Variants in ADAM23 observed in about 807,000 individuals in gnomAD.
ADAM23 encodes the protein disintegrin and metalloproteinase domain-containing protein 23.
In ADAM23, 33 loss-of-function variants were observed where a neutral mutation model predicts 120.1. That is an observed-to-expected ratio of 0.27 (90% CI 0.21 to 0.37). ADAM23 has a LOEUF of 0.37. Among genes scored for constraint, ADAM23 ranks in the 10% least tolerant of loss-of-function variants. The pLI is 1.00. For synonymous variants in ADAM23, 367 were observed against 375.2 expected (o/e 0.98, Z 0.25); for missense variants, 862 against 1,058.2 (o/e 0.81, Z 2.57).
At chr2:206,463,408 T>C (rs1438359853) in intron 2 of ADAM23, among the ~76,000 whole-genome samples, 1 of 152,184 alleles carries the variant, frequency 6.6e-6, no homozygotes, top group Admixed American at 6.5e-5. Flanking sequence ...CCCTAGAACC[T>C]CCAGATGGAG....
intron 3 of ADAM23, among the ~76,000 whole-genome samples, chr2:206,526,018 GCTTCTCCATATGGAAC>G (rs1696937255): frequency 1.3e-5 from 2 of 151,924 alleles, no homozygotes; most frequent in African/African-American, 4.8e-5. Flanking sequence ...AGAATCCTTG[GCTTCTCCATATGGAAC>G]TTCCTTGTAA....
At chr2:206,499,604 C>G (rs568608545) in intron 3 of ADAM23, among the ~76,000 whole-genome samples, 1 of 151,516 alleles carries the variant, frequency 6.6e-6, no homozygotes, top group South Asian at 2.1e-4. Context: ...CAAACCTGCA[C>G]GTTGTGCACA....
At chr2:206,548,734 A>T (rs1165537996) in intron 8 of ADAM23, among the ~76,000 whole-genome samples, 1 of 152,206 alleles carries the variant, frequency 6.6e-6, no homozygotes, top group African/African-American at 2.4e-5. Flanking sequence ...TTAATAAAAA[A>T]TCTAGAGAGA....
intron 2 of ADAM23, among the ~76,000 whole-genome samples, chr2:206,447,391 G>C (rs1695103084): frequency 6.6e-6 from 1 of 152,190 alleles, no homozygotes. Context: ...AGTATTCAAA[G>C]ATAAGAGATA....
At chr2:206,500,482 G>C (rs954018287) in intron 3 of ADAM23, among the ~76,000 whole-genome samples, 1 of 152,134 alleles carries the variant, frequency 6.6e-6, no homozygotes, top group African/African-American at 2.4e-5. Context: ...ATATTAGTAA[G>C]ATTTATCTCT....
chr2:206,565,267 TA>T (rs1697855060), intron 14 of ADAM23, among the ~76,000 whole-genome samples, 199 bp downstream of exon 14: 1 of 152,222 alleles, frequency 6.6e-6, no homozygotes, highest in South Asian at 2.1e-4. Context: ...GTGATAAAAG[TA>T]AAATGTATTA....
chr2:206,591,502 T>C (rs943023921), intron 21 of ADAM23, among the ~76,000 whole-genome samples: 5 of 152,228 alleles, frequency 3.3e-5, no homozygotes, highest in Non-Finnish European at 7.3e-5. Flanking sequence ...TTCACTTTTA[T>C]AAATGCACAA....
intron 9 of ADAM23, 145 bp from the exon 10 acceptor site, chr2:206,557,282 C>A: frequency 1.5e-6 from 1 of 655,404 alleles, no homozygotes; most frequent in Non-Finnish European, 2.6e-6. Context: ...GAAGTAACAC[C>A]ACCAAATCCA....
chr2:206,557,525 G>A, intron 10 of ADAM23, 27 bp downstream of exon 10: 1 of 1,573,106 alleles, frequency 6.4e-7, no homozygotes, highest in Non-Finnish European at 8.8e-7. Flanking sequence ...TCTTGAATTT[G>A]TGTGCCAAGA....
rs71409830 is a variant in ADAM23 at position 206,558,921 on chromosome 2, T to TTTTG, written c.1006-1002_1006-999dup. Among the ~76,000 whole-genome samples the TTTTG allele has an allele frequency of 3.2e-3, 434 of 134,866 alleles. 1 individual carries two copies. The highest frequency in any genetic ancestry group is 6.6e-3 in the African/African-American group (198 of 29,832). 88.5% of individuals were successfully genotyped at this position (134,866 alleles called of 152,430 possible). On this transcript the variant is annotated intron_variant, in intron 10 of 25. Coordinates refer to ENST00000264377, the MANE Select transcript of ADAM23 (RefSeq NM_003812.4). ...GTGTGTTCAAAGATCATCCATTGGTTTTTGTTTGTTTGTTTGTTTGTTTGT... is the reference window on the plus strand; with the variant it reads ...GTGTGTTCAAAGATCATCCATTGGTTTTTGTTTGTTTGTTTGTTTGTTTGTTTGT...
rs1303424996 is a variant in ADAM23 at position 206,619,492 on chromosome 2, G to A, written c.*1865G>A. On this transcript the variant is annotated 3_prime_UTR_variant, in exon 26 of 26. Coordinates refer to ENST00000264377, the MANE Select transcript of ADAM23 (RefSeq NM_003812.4). ...GCTTTAGTAAAGACTGTCCCAAAGA[G>A]CCCCTACTTCTCTAATGCCCCCCCC... is the stretch of plus-strand genomic sequence containing the variant. 6.8e-6 allele frequency: 1 copy of A among 146,260 alleles called. No homozygotes were observed. Among genetic ancestry groups the A allele is most frequent in the Admixed American group, 7.0e-5 (1 of 14,246 alleles). 9.1% of individuals were successfully genotyped at this position (146,260 alleles called of 1,614,324 possible).
At chr2:206,534,736 C>T (rs1415515934) in intron 4 of ADAM23, among the ~76,000 whole-genome samples, 4 of 152,162 alleles carry the variant, frequency 2.6e-5, no homozygotes, top group Non-Finnish European at 4.4e-5. Context: ...GATTTCTCTT[C>T]TGCTTACGTC....
chr2:206,542,232 G>A, intron 5 of ADAM23, 98 bp downstream of exon 5: 1 of 1,181,932 alleles, frequency 8.5e-7, no homozygotes, highest in Non-Finnish European at 1.2e-6. Flanking sequence ...CCAGTGCTGT[G>A]TTAGGGACTG....
rs551198934 is a variant in ADAM23 at position 206,462,943 on chromosome 2, A to T, written c.432+17419A>T. 1.3e-4 allele frequency among the ~76,000 whole-genome samples: 20 copies of T among 152,240 alleles called. No individual in the cohort carries two copies. The South Asian group carries it at 3.9e-3, about 30-fold the overall frequency. On this transcript the variant is annotated intron_variant, in intron 2 of 25. Transcript: ENST00000264377. ...GGCAGCTCTCTGGAAGACGGACTGGATGGGGCAAGAGTGGCTGCAGGGATA... is the reference window on the plus strand; with the variant it reads ...GGCAGCTCTCTGGAAGACGGACTGGTTGGGGCAAGAGTGGCTGCAGGGATA...
At chr2:206,506,161 G>A (rs1320516152) in intron 3 of ADAM23, among the ~76,000 whole-genome samples, 1 of 152,184 alleles carries the variant, frequency 6.6e-6, no homozygotes, top group East Asian at 1.9e-4. Flanking sequence ...CAGATTTCAT[G>A]AAATTTCTTA....
chr2:206,570,913 C>T, intron 16 of ADAM23, 102 bp downstream of exon 16: 2 of 955,056 alleles, frequency 2.1e-6, no homozygotes, highest in Non-Finnish European at 3.3e-6. Context: ...GTCTTACTGC[C>T]TTTCTTTCTC....
intron 3 of ADAM23, among the ~76,000 whole-genome samples, chr2:206,517,279 A>C (rs1396422838): frequency 6.6e-6 from 1 of 152,126 alleles, no homozygotes; most frequent in Non-Finnish European, 1.5e-5. Flanking sequence ...TAGAGACAGA[A>C]AGTAGCCCGA....
intron 3 of ADAM23, among the ~76,000 whole-genome samples, chr2:206,490,619 A>G (rs1696113596): frequency 6.6e-6 from 1 of 152,200 alleles, no homozygotes; most frequent in African/African-American, 2.4e-5. Context: ...GATGTAGTCA[A>G]ATATTGCATT....
At chr2:206,552,947 C>T (rs1367896173) in intron 9 of ADAM23, among the ~76,000 whole-genome samples, 1 of 151,940 alleles carries the variant, frequency 6.6e-6, no homozygotes, top group Non-Finnish European at 1.5e-5. Context: ...GAATTGCTGG[C>T]GTGAACCACC....
Sources: gnomAD v4.1 joint callset for allele counts (sites outside exome capture counted in the v4.1 genomes callset) on GRCh38, gnomAD v4.1.1 for gene constraint, MANE v1.5 for transcripts, NCBI Gene and HGNC (gene_info 2026-07-23, HGNC 2026-07-21) for gene names.